Variants in KLF17 observed in about 807,000 individuals in gnomAD.
KLF17 encodes KLF transcription factor 17.
A neutral mutation model predicts 34.2 loss-of-function variants in KLF17; 31 were observed. The observed-to-expected ratio is 0.91, with a 90% CI of 0.68 to 1.22. The LOEUF is 1.22. KLF17 is among the 50% of genes most tolerant of loss of function. The pLI is 0.00. For synonymous variants in KLF17, 179 were observed against 186.7 expected, an observed-to-expected ratio of 0.96 and a Z score of 0.34; for missense variants, 478 against 505.2, an observed-to-expected ratio of 0.95 and a Z score of 0.52.
chr1:44,121,790 C>T (rs1324132601), intron 1 of KLF17, among the ~76,000 whole-genome samples: 1 of 152,190 alleles, frequency 6.6e-6, no homozygotes, highest in African/African-American at 2.4e-5. Flanking sequence ...TCTTGCATTA[C>T]ATCAGGAGAC....
intron 1 of KLF17, among the ~76,000 whole-genome samples, chr1:44,120,683 G>A (rs949555250): frequency 6.6e-5 from 10 of 152,212 alleles, no homozygotes; most frequent in African/African-American, 2.4e-4. Flanking sequence ...AATTTGCCAT[G>A]AAGGACTGGG....
chr1:44,059,420 A>G, the KLF17 span, among the ~76,000 whole-genome samples: 1 of 152,186 alleles, frequency 6.6e-6, no homozygotes, highest in East Asian at 1.9e-4. Flanking sequence ...GCAGGTGGGA[A>G]CATAACCCTA....
the KLF17 span, among the ~76,000 whole-genome samples, chr1:44,083,819 C>G: frequency 7.1e-6 from 1 of 140,840 alleles, no homozygotes; most frequent in African/African-American, 2.6e-5. Flanking sequence ...AAAAATGGCA[C>G]AAGAAGCTGC....
chr1:44,074,136 TCTC>T, the KLF17 span, among the ~76,000 whole-genome samples: 2 of 151,876 alleles, frequency 1.3e-5, no homozygotes, highest in Non-Finnish European at 2.9e-5. Flanking sequence ...CTCTTCCCAT[TCTC>T]CTTCCCCATC....
chr1:44,050,354 T>C, the KLF17 span, among the ~76,000 whole-genome samples: 1 of 152,204 alleles, frequency 6.6e-6, no homozygotes, highest in Admixed American at 6.5e-5. Flanking sequence ...CCAAAAGACA[T>C]GCTGACCAGT....
the KLF17 span, among the ~76,000 whole-genome samples, chr1:44,054,573 C>T: frequency 5.3e-5 from 8 of 150,792 alleles, no homozygotes; most frequent in South Asian, 8.4e-4. Flanking sequence ...CTCCACCTCC[C>T]GGGTTCATGC....
chr1:44,077,033 C>T, the KLF17 span, among the ~76,000 whole-genome samples: 1 of 150,556 alleles, frequency 6.6e-6, no homozygotes, highest in South Asian at 2.1e-4. Context: ...CTGCACCCAG[C>T]CTTTTTCTTT....
intron 1 of KLF17, among the ~76,000 whole-genome samples, chr1:44,119,353 G>A (rs1242997132): frequency 6.6e-6 from 1 of 150,718 alleles, no homozygotes; most frequent in African/African-American, 2.4e-5. Flanking sequence ...TGAGGGACTT[G>A]AGTAGGCAGG....
chr1:44,130,436 A>T, intron 2 of KLF17, 76 bp from the exon 3 acceptor site: 1 of 1,574,460 alleles, frequency 6.4e-7, no homozygotes, highest in Non-Finnish European at 8.7e-7. Context: ...CTCAACCTGG[A>T]CTGCTCTGCC....
chr1:44,045,686 A>T, the KLF17 span, among the ~76,000 whole-genome samples: 1 of 152,168 alleles, frequency 6.6e-6, no homozygotes, highest in Non-Finnish European at 1.5e-5. Context: ...CATTGTCACA[A>T]AAACTTTGTT....
chr1:44,081,666 C>T, the KLF17 span, among the ~76,000 whole-genome samples: 6 of 152,016 alleles, frequency 3.9e-5, no homozygotes, highest in Non-Finnish European at 8.8e-5. Flanking sequence ...AGTGATCCAC[C>T]TGCCTCAGAC....
rs777651690 is a variant in KLF17 at position 44,129,735 on chromosome 1, C to G, written c.464C>G (p.Pro155Arg). Residue 155 changes from proline to arginine, a missense_variant, in exon 2 of 4, where the codon CCC becomes CGC. By Grantham distance (103) the Pro-to-Arg change is moderately radical. Transcript: ENST00000372299. ...RPFGGNLRMP[P>R]NGLPVSASTG... Reference sequence around the variant, plus strand: ...TTCGGTGGGAATCTAAGGATGCCCCCCAATGGGCTGCCAGTCTCGGCTTCC... The same window carrying G: ...TTCGGTGGGAATCTAAGGATGCCCCGCAATGGGCTGCCAGTCTCGGCTTCC... 17 of 1,614,008 alleles carry G rather than the reference C, an allele frequency of 1.1e-5. No homozygotes were observed. Among genetic ancestry groups the G allele is most frequent in the Admixed American group, 1.7e-5 (1 of 59,994 alleles).
At chr1:44,048,670 T>TA in the KLF17 span, among the ~76,000 whole-genome samples, 1 of 152,220 alleles carries the variant, frequency 6.6e-6, no homozygotes. Context: ...AGTACATAAA[T>TA]AAATTGTTTT....
Position 44,135,087 on chromosome 1 carries a change from G to A in KLF17, c.*1850G>A, listed in dbSNP as rs1215513766. 6.6e-6 allele frequency: 1 copy of A among 152,068 alleles called. No individual in the cohort carries two copies. The highest frequency in any genetic ancestry group is 2.4e-5 in the African/African-American group (1 of 41,408). The allele number at this position is 152,068 out of a possible 1,614,324, so 9.4% of individuals were successfully genotyped here. On this transcript the variant is annotated 3_prime_UTR_variant, in exon 4 of 4. Coordinates refer to ENST00000372299, the MANE Select transcript of KLF17 (RefSeq NM_173484.4). ...AATCCTTAGGATAACTTGAGGCCAGGAGTTTGAGACCAGTGTGACCTTGTC... is the reference window on the plus strand; with the variant it reads ...AATCCTTAGGATAACTTGAGGCCAGAAGTTTGAGACCAGTGTGACCTTGTC...
chr1:44,085,799 T>C, the KLF17 span, among the ~76,000 whole-genome samples: 1 of 107,184 alleles, frequency 9.3e-6, no homozygotes. Flanking sequence ...ATTGAGACTC[T>C]GTCTCAACAA....
chr1:44,080,465 C>T, the KLF17 span, among the ~76,000 whole-genome samples: 10 of 151,922 alleles, frequency 6.6e-5, no homozygotes, highest in East Asian at 1.8e-3. Context: ...GTCTCCATCT[C>T]CTGACCTCGT....
chr1:44,103,417 A>G, the KLF17 span: 2 of 779,402 alleles, frequency 2.6e-6, no homozygotes, highest in East Asian at 4.9e-5. Flanking sequence ...GTGCGGCTGA[A>G]GGAGCTGGCG....
At chr1:44,126,556 G>A (rs980123153) in intron 1 of KLF17, among the ~76,000 whole-genome samples, 4 of 149,970 alleles carry the variant, frequency 2.7e-5, no homozygotes, top group Admixed American at 1.3e-4. Context: ...TTACCTTGCT[G>A]AGGATACAGG....
the KLF17 span, among the ~76,000 whole-genome samples, chr1:44,091,635 CAAAAAAAA>C: frequency 1.3e-5 from 1 of 79,034 alleles, no homozygotes; most frequent in Non-Finnish European, 2.5e-5. Context: ...GACTCCATCT[CAAAAAAAA>C]AAAAAAAAAA....
Sources: gnomAD v4.1 joint callset for allele counts (sites outside exome capture counted in the v4.1 genomes callset) on GRCh38, gnomAD v4.1.1 for gene constraint, MANE v1.5 for transcripts, NCBI Gene and HGNC (gene_info 2026-07-23, HGNC 2026-07-21) for gene names.